The following PTBP3 variants were observed in gnomAD, a reference collection of about 807,000 sequenced individuals.
PTBP3 encodes polypyrimidine tract binding protein 3.
A neutral mutation model predicts 58.7 loss-of-function variants in PTBP3; 20 were observed. The observed-to-expected ratio is 0.34, with a 90% CI of 0.24 to 0.50. The LOEUF (loss-of-function observed/expected upper bound fraction) is 0.50. Among genes scored for constraint, PTBP3 ranks in the 20% least tolerant of loss-of-function variants. The pLI, the probability that PTBP3 is intolerant of heterozygous loss-of-function variation, is 0.98. For synonymous variants in PTBP3, 185 were observed against 219.8 expected, an observed-to-expected ratio of 0.84 and a Z score of 1.40; for missense variants, 509 against 637.2, an observed-to-expected ratio of 0.80 and a Z score of 2.17.
intron 2 of PTBP3, among the ~76,000 whole-genome samples, chr9:112,282,567 C>T (rs754844961): frequency 5.3e-5 from 8 of 152,196 alleles, no homozygotes; most frequent in South Asian, 4.2e-4. Context: ...GTTACGGTTT[C>T]ATTTTATTTC....
the PTBP3 span, among the ~76,000 whole-genome samples, chr9:112,353,224 C>T: frequency 6.7e-6 from 1 of 150,366 alleles, no homozygotes; most frequent in African/African-American, 2.4e-5. Context: ...AAAATATTTT[C>T]ACTCTTCTCA....
intron 2 of PTBP3, among the ~76,000 whole-genome samples, chr9:112,278,325 C>G (rs141705295): frequency 2.0e-5 from 3 of 152,258 alleles, no homozygotes; most frequent in Non-Finnish European, 4.4e-5. Context: ...GAGAGTTGAA[C>G]AGGGAATGTC....
intron 5 of PTBP3, among the ~76,000 whole-genome samples, chr9:112,254,089 C>T (rs144676047): frequency 6.6e-6 from 1 of 152,292 alleles, no homozygotes; most frequent in African/African-American, 2.4e-5. Flanking sequence ...CTCCCAGGCT[C>T]ATGCGATCCT....
At chr9:112,241,011 C>T (rs926432330) in intron 7 of PTBP3, among the ~76,000 whole-genome samples, 10 of 151,996 alleles carry the variant, frequency 6.6e-5, no homozygotes, top group Admixed American at 1.3e-4. Context: ...AGTATTATTA[C>T]GAAAGAGTCA....
At chr9:112,333,974 G>C (rs994470948), upstream of PTBP3, among the ~76,000 whole-genome samples, 5 of 150,978 alleles carry the variant, frequency 3.3e-5, no homozygotes, top group African/African-American at 7.3e-5. Context: ...TTCCGGCTTC[G>C]CAGACCGGGC....
chr9:112,300,783 G>A (rs746974468), intron 1 of PTBP3, among the ~76,000 whole-genome samples: 2 of 151,466 alleles, frequency 1.3e-5, no homozygotes, highest in South Asian at 2.1e-4. Context: ...AAGAATACAC[G>A]CTATATTGTT....
the PTBP3 span, among the ~76,000 whole-genome samples, chr9:112,362,044 A>G: frequency 6.6e-6 from 1 of 152,162 alleles, no homozygotes; most frequent in Admixed American, 6.5e-5. Context: ...TCTTTAGAAA[A>G]TTATCTATTT....
At chr9:112,315,294 C>A (rs1190368124) in intron 1 of PTBP3, among the ~76,000 whole-genome samples, 1 of 149,670 alleles carries the variant, frequency 6.7e-6, no homozygotes. Context: ...AAGTAGTAAG[C>A]TTTAAAAAAA....
At chr9:112,268,983 G>A (rs1827248810) in intron 3 of PTBP3, among the ~76,000 whole-genome samples, 1 of 151,970 alleles carries the variant, frequency 6.6e-6, no homozygotes. Context: ...ATCACCCGAG[G>A]TCAGGAGTTC....
At chr9:112,314,620 A>G (rs982224283) in intron 1 of PTBP3, among the ~76,000 whole-genome samples, 1 of 152,258 alleles carries the variant, frequency 6.6e-6, no homozygotes, top group South Asian at 2.1e-4. Context: ...CCTTAAGCCT[A>G]GAAGAGAGCC....
chr9:112,290,688 ATAT>A (rs1166284093), intron 2 of PTBP3, among the ~76,000 whole-genome samples: 3 of 98,840 alleles, frequency 3.0e-5, no homozygotes, highest in African/African-American at 1.1e-4. Flanking sequence ...AAAAAAAAAA[ATAT>A]ATATATATAT....
chr9:112,345,889 C>T, the PTBP3 span, among the ~76,000 whole-genome samples: 2 of 151,698 alleles, frequency 1.3e-5, no homozygotes, highest in East Asian at 3.9e-4. Flanking sequence ...GAGTCTCGCT[C>T]TGTTGCCCAG....
At chr9:112,332,399 T>C (rs1470989983) in intron 1 of PTBP3, among the ~76,000 whole-genome samples, 1 of 152,032 alleles carries the variant, frequency 6.6e-6, no homozygotes, top group Non-Finnish European at 1.5e-5. Context: ...AAATAGCATA[T>C]CATCAACTGT....
chr9:112,226,051 A>T (rs3780514), intron 12 of PTBP3, among the ~76,000 whole-genome samples: 84,509 of 151,388 alleles, frequency 0.56, 25,314 homozygotes, highest in African/African-American at 0.8. Context: ...CTCAAAAAAA[A>T]ATATATTAAT....
In PTBP3 at chr9:112,268,266, T is replaced by G. The variant is rs1044849889; in HGVS notation, c.205-71A>C. On this transcript the variant is annotated intron_variant, in intron 3 of 13. Coordinates refer to ENST00000374257, the MANE Select transcript of PTBP3 (RefSeq NM_001163788.4). ...AGACAGTTAAGATATATTTTGCCAT[T>G]CTAGCTTGCTCTAAACCCATGCACT... 54 of 1,500,702 alleles carry G rather than the reference T, an allele frequency of 3.6e-5. No homozygotes were observed. In the Middle Eastern group the frequency reaches 5.5e-4, roughly 15 times the overall value. 93.0% of individuals were successfully genotyped at this position (1,500,702 alleles called of 1,614,324 possible). A position where few individuals can be genotyped will look rare whatever the true frequency, so the allele number is the denominator to read the frequency against.
rs535460426 is a variant in PTBP3 at position 112,293,875 on chromosome 9, T to C, written c.34+3957A>G. Among the ~76,000 whole-genome samples, 5 of 152,296 alleles carry C rather than the reference T, an allele frequency of 3.3e-5. No homozygotes were observed. In the South Asian group the frequency reaches 1.0e-3, roughly 32 times the overall value. On this transcript the variant is annotated intron_variant, in intron 2 of 13. Coordinates refer to ENST00000374257, the MANE Select transcript of PTBP3 (RefSeq NM_001163788.4). ...AGAAAAAGTCTGGTCCCCAACACAA[T>C]TCAAGAAACTAAGTAAGCCCCTGAC...
intron 1 of PTBP3, among the ~76,000 whole-genome samples, chr9:112,332,490 T>A (rs1315132601): frequency 6.6e-6 from 1 of 152,096 alleles, no homozygotes; most frequent in Non-Finnish European, 1.5e-5. Context: ...TCATCAAAAG[T>A]AGGTAACAAG....
chr9:112,280,740 T>C (rs892268447), intron 2 of PTBP3, among the ~76,000 whole-genome samples: 23 of 149,306 alleles, frequency 1.5e-4, no homozygotes, highest in African/African-American at 5.0e-4. Context: ...TTTTCCTCAC[T>C]CTTCATACGT....
At chr9:112,256,265 A>AC (rs1836345131) in intron 5 of PTBP3, among the ~76,000 whole-genome samples, 1 of 122,524 alleles carries the variant, frequency 8.2e-6, no homozygotes, top group Non-Finnish European at 1.6e-5. Context: ...AAAAAAAAAA[A>AC]AAACAAAATA....
Sources: allele counts gnomAD v4.1 joint callset (sites outside exome capture counted in the v4.1 genomes callset), GRCh38; gene constraint gnomAD v4.1.1; transcripts MANE v1.5; gene names NCBI Gene and HGNC (gene_info 2026-07-23, HGNC 2026-07-21).